The following GALNT2 variants were observed in gnomAD, a reference collection of about 807,000 sequenced individuals.
The protein encoded by GALNT2 is polypeptide N-acetylgalactosaminyltransferase 2.
A neutral mutation model predicts 81.4 loss-of-function variants in GALNT2; 31 were observed. The observed-to-expected ratio is 0.38, with a 90% CI of 0.29 to 0.51. GALNT2 has a LOEUF of 0.51. Ranked by LOEUF, GALNT2 falls within the 20% of genes least tolerant of loss-of-function variation. GALNT2 has a pLI of 0.87. For missense variants in GALNT2, 629 were observed against 765.7 expected (o/e 0.82, Z 2.11); for synonymous variants, 303 against 287.4 (o/e 1.05, Z -0.55).
intron 1 of GALNT2, among the ~76,000 whole-genome samples, chr1:230,107,701 A>T (rs1051174840): frequency 6.6e-6 from 1 of 151,074 alleles, no homozygotes. Context: ...TCCTGTGACT[A>T]AAAGTGGTTT....
chr1:230,236,539 G>A lies in GALNT2; in HGVS notation c.541+119G>A, dbSNP rs1283108136. 34 of 1,404,032 alleles carry A rather than the reference G, an allele frequency of 2.4e-5. No homozygotes were observed. The Middle Eastern group carries it at 7.2e-4, about 30-fold the overall frequency. The allele number at this position is 1,404,032 out of a possible 1,614,324, so 87.0% of individuals were successfully genotyped here. ...AGAAATCAGATCCACAGAAAGAAGAGGTGCCTCTGTGATGCCCCAAGGAGA... is the reference window on the plus strand; with the variant it reads ...AGAAATCAGATCCACAGAAAGAAGAAGTGCCTCTGTGATGCCCCAAGGAGA... On this transcript the variant is annotated intron_variant, in intron 5 of 15. Transcript: ENST00000366672.
At chr1:230,132,097 C>T (rs1661386583) in intron 1 of GALNT2, among the ~76,000 whole-genome samples, 1 of 152,144 alleles carries the variant, frequency 6.6e-6, no homozygotes, top group African/African-American at 2.4e-5. Flanking sequence ...TCTCTTCTTC[C>T]CCATGCTAGC....
intron 3 of GALNT2, among the ~76,000 whole-genome samples, chr1:230,223,900 G>T (rs1272014792): frequency 6.6e-6 from 1 of 152,200 alleles, no homozygotes; most frequent in Non-Finnish European, 1.5e-5. Flanking sequence ...AATCAGAACT[G>T]CTCAGGGGTC....
chr1:230,189,877 G>C (rs748891564), intron 2 of GALNT2, among the ~76,000 whole-genome samples: 1 of 152,186 alleles, frequency 6.6e-6, no homozygotes, highest in African/African-American at 2.4e-5. Flanking sequence ...TCCCTCATAT[G>C]AGTGCAGCCT....
chr1:230,207,986 A>G (rs748642591), intron 3 of GALNT2, among the ~76,000 whole-genome samples: 2 of 152,252 alleles, frequency 1.3e-5, no homozygotes, highest in Admixed American at 1.3e-4. Flanking sequence ...ATACCTGTCT[A>G]CAATGTGTAA....
At chr1:230,158,789 A>G (rs1424471729) in intron 1 of GALNT2, among the ~76,000 whole-genome samples, 1 of 151,956 alleles carries the variant, frequency 6.6e-6, no homozygotes, top group African/African-American at 2.4e-5. Flanking sequence ...ACCTCCCATC[A>G]CAGATAAAGA....
intron 1 of GALNT2, among the ~76,000 whole-genome samples, chr1:230,133,444 T>G (rs922557440): frequency 3.4e-5 from 5 of 147,126 alleles, no homozygotes; most frequent in Admixed American, 2.8e-4. Flanking sequence ...TTCGATTTCT[T>G]TTTTCTTTTT....
At chr1:230,207,948 C>G (rs1434533223) in intron 3 of GALNT2, among the ~76,000 whole-genome samples, 1 of 152,180 alleles carries the variant, frequency 6.6e-6, no homozygotes, top group Non-Finnish European at 1.5e-5. Context: ...TAGTTGTTAT[C>G]TATCTTGGCG....
chr1:230,278,728 T>C (rs1666360600), intron 15 of GALNT2, among the ~76,000 whole-genome samples: 1 of 152,126 alleles, frequency 6.6e-6, no homozygotes. Flanking sequence ...TACATAGAAA[T>C]AGGCTTCTCA....
At chr1:230,247,434 A>G (rs2102745637) in intron 8 of GALNT2, among the ~76,000 whole-genome samples, 1 of 152,348 alleles carries the variant, frequency 6.6e-6, no homozygotes, top group Admixed American at 6.5e-5. Flanking sequence ...CACACAGGGC[A>G]TAATGGAATT....
chr1:230,230,726 G>C (rs1428755923), intron 3 of GALNT2, among the ~76,000 whole-genome samples: 1 of 152,212 alleles, frequency 6.6e-6, no homozygotes, highest in Non-Finnish European at 1.5e-5. Flanking sequence ...ATAGAATCCT[G>C]TCTTTGTGTA....
intron 1 of GALNT2, among the ~76,000 whole-genome samples, chr1:230,165,283 T>G (rs536086739): frequency 6.6e-6 from 1 of 152,346 alleles, no homozygotes; most frequent in Non-Finnish European, 1.5e-5. Context: ...CTTTTTCATT[T>G]AACGTAAGCA....
chr1:230,092,038 A>G (rs1307002272), intron 1 of GALNT2: 2 of 152,218 alleles, frequency 1.3e-5, no homozygotes, highest in Non-Finnish European at 2.9e-5. Flanking sequence ...CAAAAAGCTT[A>G]TGTAGTTTCT....
At chr1:230,228,584 CCTT>C (rs1664783106) in intron 3 of GALNT2, among the ~76,000 whole-genome samples, 1 of 152,094 alleles carries the variant, frequency 6.6e-6, no homozygotes, top group Non-Finnish European at 1.5e-5. Flanking sequence ...TTATGGATCT[CCTT>C]CATCTATATA....
intron 2 of GALNT2, among the ~76,000 whole-genome samples, chr1:230,185,304 G>GCGCGCGCA (rs1663298501): frequency 1.3e-5 from 1 of 76,400 alleles, no homozygotes; most frequent in Non-Finnish European, 2.7e-5. Context: ...GTGTGTGTGC[G>GCGCGCGCA]CGCGTGTGTG....
At chr1:230,125,194 G>A (rs1490916874) in intron 1 of GALNT2, among the ~76,000 whole-genome samples, 2 of 152,230 alleles carry the variant, frequency 1.3e-5, no homozygotes, top group Non-Finnish European at 2.9e-5. Context: ...CCAGATTAGA[G>A]AATTCATAAA....
chr1:230,205,971 G>A lies in GALNT2; in HGVS notation c.374+2681G>A, dbSNP rs148103087. Among the ~76,000 whole-genome samples, 25 of 152,326 alleles carry A rather than the reference G, an allele frequency of 1.6e-4. No individual in the cohort carries two copies. The East Asian group carries it at 4.6e-3, about 28-fold the overall frequency. On this transcript the variant is annotated intron_variant, in intron 3 of 15. Coordinates refer to ENST00000366672, the MANE Select transcript of GALNT2 (RefSeq NM_004481.5). The stretch of plus-strand genomic sequence containing the variant: ...CTGAAGACCAGAAAGCGTCCGTGTA[G>A]CTTTTAAGAAGGGCTTGGCCTAAAC...
chr1:230,180,193 A>G (rs1263944029), intron 2 of GALNT2, among the ~76,000 whole-genome samples: 1 of 152,034 alleles, frequency 6.6e-6, no homozygotes, highest in Non-Finnish European at 1.5e-5. Flanking sequence ...TGCTGGAATT[A>G]CAGCGGGAGC....
At chr1:230,140,376 C>G (rs1661691963) in intron 1 of GALNT2, among the ~76,000 whole-genome samples, 1 of 152,222 alleles carries the variant, frequency 6.6e-6, no homozygotes, top group South Asian at 2.1e-4. Context: ...CACTGCCTGG[C>G]TCCACTGCCC....
Sources: allele counts gnomAD v4.1 joint callset (sites outside exome capture counted in the v4.1 genomes callset), GRCh38; gene constraint gnomAD v4.1.1; transcripts MANE v1.5; gene names NCBI Gene and HGNC (gene_info 2026-07-23, HGNC 2026-07-21).